NRP2: variants seen among roughly 807,000 people sequenced by gnomAD.
NRP2 encodes neuropilin-2.
A neutral mutation model predicts 110.4 loss-of-function variants in NRP2; 52 were observed. That is an observed-to-expected ratio of 0.47 (90% CI 0.38 to 0.59). NRP2 has a LOEUF of 0.59. Ranked by LOEUF, NRP2 falls within the 20% of genes least tolerant of loss-of-function variation. The pLI is 0.00. For missense variants in NRP2, 1,049 were observed against 1,203.0 expected (o/e 0.87, Z 1.89); for synonymous variants, 508 against 468.9 (o/e 1.08, Z -1.08).
intron 14 of NRP2, among the ~76,000 whole-genome samples, chr2:205,765,897 A>C (rs1449909030): frequency 1.3e-5 from 2 of 152,240 alleles, no homozygotes; most frequent in African/African-American, 4.8e-5. Flanking sequence ...AGCAACTGCC[A>C]GTCAAAATTA....
chr2:205,738,779 G>A lies in NRP2; in HGVS notation c.1147-1740G>A, dbSNP rs540301847. Among the ~76,000 whole-genome samples the A allele has an allele frequency of 2.6e-5, 4 of 152,278 alleles. No individual in the cohort carries two copies. The East Asian group carries it at 5.8e-4, about 22-fold the overall frequency. ...GGGAGGACTTCCCAGGGGAGGAGAG[G>A]GAGCAGCAGGCTGGGTGCGCAGGGG... On this transcript the variant is annotated intron_variant, in intron 7 of 16. Coordinates refer to ENST00000357785, the MANE Select transcript of NRP2 (RefSeq NM_003872.3).
intron 15 of NRP2, among the ~76,000 whole-genome samples, chr2:205,790,889 G>A (rs891830749): frequency 6.6e-6 from 1 of 152,228 alleles, no homozygotes; most frequent in African/African-American, 2.4e-5. Flanking sequence ...ATGGGCTGGA[G>A]TTATGGAGGA....
Position 205,740,634 on chromosome 2 carries a change from G to A in NRP2, c.1262G>A (p.Arg421Gln), listed in dbSNP as rs778106244. The A allele has an allele frequency of 2.4e-5, 39 of 1,614,052 alleles. No homozygotes were observed. Among genetic ancestry groups the A allele is most frequent in the Middle Eastern group, 1.6e-4 (1 of 6,080 alleles). Residue 421 changes from arginine to glutamine, a missense_variant, in exon 8 of 17, where the codon CGG becomes CAG. Transcript: ENST00000357785. ...ACCTGGCACTCAGGTATCGCCCTCC[G>A]GCTGGAGCTCTTCGGCTGCCGGGTC... is the stretch of plus-strand genomic sequence containing the variant. Reference protein sequence around the residue: ...PQTWHSGIALRLELFGCRVTD... With the variant: ...PQTWHSGIALQLELFGCRVTD...
chr2:205,749,535 C>G (rs1559346393), intron 10 of NRP2, among the ~76,000 whole-genome samples, 190 bp from the exon 11 acceptor site: 1 of 152,178 alleles, frequency 6.6e-6, no homozygotes, highest in Non-Finnish European at 1.5e-5. Flanking sequence ...GGTTCTGCAA[C>G]CCAGGACCAT....
At chr2:205,758,824 G>A (rs1559352722) in intron 12 of NRP2, among the ~76,000 whole-genome samples, 3 of 152,150 alleles carry the variant, frequency 2.0e-5, no homozygotes, top group Admixed American at 6.5e-5. Context: ...GAACAGGCAG[G>A]GCTGGTTCTT....
At chr2:205,711,702 A>G (rs2056802443) in intron 2 of NRP2, among the ~76,000 whole-genome samples, 1 of 152,192 alleles carries the variant, frequency 6.6e-6, no homozygotes. Flanking sequence ...GACCCAAAAG[A>G]AGGGGCAGAG....
intron 2 of NRP2, among the ~76,000 whole-genome samples, chr2:205,698,576 G>A (rs1375973654): frequency 1.3e-5 from 2 of 152,140 alleles, no homozygotes; most frequent in Non-Finnish European, 2.9e-5. Context: ...TGTTACTACC[G>A]AGGTCCCTAA....
intron 13 of NRP2, among the ~76,000 whole-genome samples, chr2:205,764,679 G>A (rs1416149902): frequency 2.0e-5 from 3 of 152,192 alleles, no homozygotes; most frequent in Non-Finnish European, 4.4e-5. Flanking sequence ...AGGAACCTGG[G>A]GAGGGCGAGC....
chr2:205,754,411 C>T (rs755563300), intron 12 of NRP2, among the ~76,000 whole-genome samples: 42 of 152,044 alleles, frequency 2.8e-4, no homozygotes, highest in Non-Finnish European at 5.7e-4. Context: ...GTGCCTGATC[C>T]GGAGAAAAAC....
chr2:205,765,647 A>T, intron 14 of NRP2, 77 bp downstream of exon 14: 1 of 1,256,226 alleles, frequency 8.0e-7, no homozygotes, highest in Non-Finnish European at 1.2e-6. Context: ...GAGGCAGGAC[A>T]CCATTTTCCA....
At chr2:205,748,817 CCT>C (rs2105887770) in intron 10 of NRP2, among the ~76,000 whole-genome samples, 2 of 152,288 alleles carry the variant, frequency 1.3e-5, no homozygotes, top group East Asian at 3.9e-4. Flanking sequence ...CCACCCAGGG[CCT>C]GACTCATAGC....
chr2:205,749,228 T>A (rs1274196296), intron 10 of NRP2, among the ~76,000 whole-genome samples: 1 of 152,202 alleles, frequency 6.6e-6, no homozygotes, highest in East Asian at 1.9e-4. Flanking sequence ...CAACCACGTC[T>A]GCTTTCCTCA....
chr2:205,735,625 T>A (rs984996714), intron 7 of NRP2, among the ~76,000 whole-genome samples: 3 of 104,384 alleles, frequency 2.9e-5, no homozygotes, highest in African/African-American at 1.1e-4. Flanking sequence ...GGAGTGTAGA[T>A]AACAACCAAA....
intron 15 of NRP2, chr2:205,767,364 G>A (rs2057942306): frequency 2.0e-6 from 1 of 508,340 alleles, no homozygotes; most frequent in South Asian, 1.4e-5. Flanking sequence ...AAGGAAGTTA[G>A]GAAAGAGACA....
At chr2:205,716,041 A>T in intron 2 of NRP2, 152 bp from the exon 3 acceptor site, 2 of 830,254 alleles carry the variant, frequency 2.4e-6, no homozygotes, top group Admixed American at 3.4e-5. Flanking sequence ...TCTGTTTGCC[A>T]GTCTGTACAA....
intron 10 of NRP2, 133 bp downstream of exon 10, chr2:205,746,023 T>A (rs2057532313): frequency 3.0e-6 from 3 of 986,794 alleles, no homozygotes; most frequent in Non-Finnish European, 4.7e-6. Flanking sequence ...CCCTGCCATG[T>A]TCTCCTGCCT....
At chr2:205,690,629 C>CACA (rs1251125440) in intron 1 of NRP2, among the ~76,000 whole-genome samples, 2 of 134,562 alleles carry the variant, frequency 1.5e-5, no homozygotes, top group African/African-American at 2.9e-5. Context: ...CACACACACA[C>CACA]AATAGCTGGG....
chr2:205,781,163 G>A (rs559631060), intron 15 of NRP2, among the ~76,000 whole-genome samples: 1 of 152,292 alleles, frequency 6.6e-6, no homozygotes, highest in East Asian at 1.9e-4. Context: ...AACCATGTTT[G>A]GGAATTTTCC....
intron 1 of NRP2, among the ~76,000 whole-genome samples, chr2:205,685,235 G>A (rs1470127304): frequency 1.3e-5 from 2 of 152,242 alleles, no homozygotes; most frequent in African/African-American, 4.8e-5. Flanking sequence ...GAGGCGCGGA[G>A]TTCGGGGCAA....
Sources: gnomAD v4.1 joint callset for allele counts (sites outside exome capture counted in the v4.1 genomes callset) on GRCh38, gnomAD v4.1.1 for gene constraint, MANE v1.5 for transcripts, NCBI Gene and HGNC (gene_info 2026-07-23, HGNC 2026-07-21) for gene names.